The following COL11A1 variants were observed in gnomAD, a reference collection of about 807,000 sequenced individuals.
COL11A1 encodes the protein collagen alpha-1(XI) chain.
A neutral mutation model predicts 265.2 loss-of-function variants in COL11A1; 74 were observed. The ratio of observed to expected loss-of-function variants is 0.28; its 90% confidence interval spans 0.23 to 0.34. The LOEUF (loss-of-function observed/expected upper bound fraction) is 0.34. COL11A1 is among the 10% of genes least tolerant of loss of function. The pLI, the probability that COL11A1 is intolerant of heterozygous loss-of-function variation, is 1.00. For missense variants in COL11A1, 2,165 were observed against 2,263.6 expected, an observed-to-expected ratio of 0.96 and a Z score of 0.88; for synonymous variants, 816 against 727.6, an observed-to-expected ratio of 1.12 and a Z score of -1.96.
At chr1:103,017,777 T>C in intron 11 of COL11A1, 43 bp downstream of exon 11, 3 of 1,483,844 alleles carry the variant, frequency 2.0e-6, no homozygotes, top group Admixed American at 1.7e-5. Context: ...TTTAAGTCTG[T>C]ATGACATGCA....
chr1:102,905,320 A>C (rs1175706275), intron 54 of COL11A1, among the ~76,000 whole-genome samples: 1 of 151,354 alleles, frequency 6.6e-6, no homozygotes, highest in Non-Finnish European at 1.5e-5. Context: ...ACATGTATAC[A>C]TATGTAACAA....
chr1:103,059,880 G>A (rs998336211), intron 4 of COL11A1, among the ~76,000 whole-genome samples: 2 of 151,908 alleles, frequency 1.3e-5, no homozygotes, highest in Non-Finnish European at 2.9e-5. Flanking sequence ...AAAGCTTTGG[G>A]ACAACAACAA....
intron 37 of COL11A1, among the ~76,000 whole-genome samples, chr1:102,968,131 AGTT>A (rs1289831403): frequency 6.6e-6 from 1 of 152,256 alleles, no homozygotes; most frequent in African/African-American, 2.4e-5. Context: ...GTTCACAACA[AGTT>A]GTGCTTGTTC....
intron 46 of COL11A1, among the ~76,000 whole-genome samples, chr1:102,929,716 A>G (rs1657143591): frequency 6.6e-6 from 1 of 151,838 alleles, no homozygotes; most frequent in Admixed American, 6.5e-5. Flanking sequence ...GATTCTTCCT[A>G]CCCATTTGCA....
intron 4 of COL11A1, among the ~76,000 whole-genome samples, chr1:103,074,217 C>T (rs979296721): frequency 5.9e-5 from 9 of 151,984 alleles, no homozygotes; most frequent in African/African-American, 2.2e-4. Flanking sequence ...CCTTAAAAAA[C>T]ATTCACAAAG....
chr1:102,924,270 A>C (rs1656325490), intron 46 of COL11A1, among the ~76,000 whole-genome samples: 1 of 152,042 alleles, frequency 6.6e-6, no homozygotes, highest in Non-Finnish European at 1.5e-5. Flanking sequence ...ATTCAATTGC[A>C]CTGTAACTGA....
chr1:102,889,666 A>C lies in COL11A1; in HGVS notation c.4357-104T>G, dbSNP rs60484126. Reference sequence around the variant, plus strand: ...TTAAATTTCTAAAGCATAAAAATGAACAATGCTGATAAAACAACATTAAAA... The same window carrying C: ...TTAAATTTCTAAAGCATAAAAATGACCAATGCTGATAAAACAACATTAAAA... On this transcript the variant is annotated intron_variant, in intron 58 of 66. Coordinates refer to ENST00000370096, the MANE Select transcript of COL11A1 (RefSeq NM_001854.4). The C allele has an allele frequency of 5.2e-3, 4,294 of 827,980 alleles. 115 individuals carry two copies. The African/African-American group carries it at 0.064, about 12-fold the overall frequency. 51.3% of individuals were successfully genotyped at this position (827,980 alleles called of 1,614,324 possible). A position where few individuals can be genotyped will look rare whatever the true frequency, so the allele number is the denominator to read the frequency against.
Position 102,946,744 on chromosome 1 carries a change from T to A in COL11A1, c.3276+105A>T, listed in dbSNP as rs958987628. Reference sequence around the variant, plus strand: ...AGGGTATTTACATGCCAGACACATATGCAGAGAGAATACGGTGGTGTATGA... The same window carrying A: ...AGGGTATTTACATGCCAGACACATAAGCAGAGAGAATACGGTGGTGTATGA... On this transcript the variant is annotated intron_variant, in intron 42 of 66. Transcript: ENST00000370096. 9 of 888,810 alleles carry A rather than the reference T, an allele frequency of 1.0e-5. No homozygotes were observed. In the African/African-American group the frequency reaches 1.2e-4, roughly 11 times the overall value. 55.1% of individuals were successfully genotyped at this position (888,810 alleles called of 1,614,324 possible).
At chr1:102,913,190 C>T (rs1654897831) in intron 53 of COL11A1, among the ~76,000 whole-genome samples, 2 of 151,806 alleles carry the variant, frequency 1.3e-5, no homozygotes, top group South Asian at 4.2e-4. Context: ...GGTCAAAGTA[C>T]ACTCCTGTAT....
At chr1:102,888,507 G>T in intron 62 of COL11A1, 70 bp downstream of exon 62, 3 of 1,430,344 alleles carry the variant, frequency 2.1e-6, no homozygotes, top group Non-Finnish European at 3.0e-6. Flanking sequence ...TATCTTATAA[G>T]TTCAGAGAAA....
At chr1:103,046,324 G>T (rs1356069590) in intron 4 of COL11A1, among the ~76,000 whole-genome samples, 1 of 130,528 alleles carries the variant, frequency 7.7e-6, no homozygotes, top group African/African-American at 2.9e-5. Flanking sequence ...GTATCTCATT[G>T]TGGTTTTGAT....
intron 42 of COL11A1, 39 bp downstream of exon 42, chr1:102,946,810 G>C (rs781376536): frequency 6.8e-7 from 1 of 1,463,704 alleles, no homozygotes; most frequent in Non-Finnish European, 9.6e-7. Context: ...ACGTGTACAG[G>C]GTAGCAGCAT....
rs1475841795 is a variant in COL11A1, at chr1:102,914,402, G to A, written c.3928C>T (p.Pro1310Ser). Reference sequence around the variant, plus strand: ...CCAGGATCTCCAGGAAAACCAACAGGACCCTAGAATGACGTTTTGAAAGAA... The same window carrying A: ...CCAGGATCTCCAGGAAAACCAACAGAACCCTAGAATGACGTTTTGAAAGAA... Reference protein sequence around the residue: ...GDDGPKGNPGPVGFPGDPGPP... With the variant: ...GDDGPKGNPGSVGFPGDPGPP... The change falls in exon 52 of 67, where the codon CCT becomes TCT. Residue 1310 changes from proline (P) to serine (S), a missense_variant. Coordinates refer to ENST00000370096, the MANE Select transcript of COL11A1 (RefSeq NM_001854.4). The A allele has an allele frequency of 6.2e-7, 1 of 1,605,458 alleles. No individual in the cohort carries two copies. The highest frequency in any genetic ancestry group is 2.2e-5 in the East Asian group (1 of 44,714).
intron 1 of COL11A1, among the ~76,000 whole-genome samples, chr1:103,099,191 C>T (rs934183370): frequency 1.3e-5 from 2 of 151,494 alleles, no homozygotes; most frequent in Non-Finnish European, 3.0e-5. Flanking sequence ...TTTAGTGTAA[C>T]TAAAATATAC....
At chr1:103,049,004 G>A (rs1331214698) in intron 4 of COL11A1, among the ~76,000 whole-genome samples, 1 of 152,134 alleles carries the variant, frequency 6.6e-6, no homozygotes, top group African/African-American at 2.4e-5. Context: ...TTGCTGAGGA[G>A]TGCTTTACTT....
chr1:103,107,987 G>T (rs1478300214), intron 1 of COL11A1, 86 bp downstream of exon 1: 2 of 920,700 alleles, frequency 2.2e-6, no homozygotes, highest in Admixed American at 1.9e-5. Flanking sequence ...TTGAAGAGCG[G>T]GGAGGAAGGG....
At position 103,108,238 on chromosome 1, in the gene COL11A1, C is replaced by T. The variant is rs1473130448; in HGVS notation, c.-60G>A. 2.5e-5 allele frequency: 34 copies of T among 1,340,180 alleles called. No individual in the cohort carries two copies. Among genetic ancestry groups the T allele is most frequent in the Non-Finnish European group, 3.3e-5 (31 of 934,324 alleles). 83.0% of individuals were successfully genotyped at this position (1,340,180 alleles called of 1,614,324 possible). A position where few individuals can be genotyped will look rare whatever the true frequency, so the allele number is the denominator to read the frequency against. On this transcript the variant is annotated 5_prime_UTR_variant, in exon 1 of 67. Transcript: ENST00000370096. ...CCACGAAATTGCGACTGCAGACCAA[C>T]TTCGTCCTTTCCAAGGTATCGCCAG...
chr1:102,881,825 T>G, intron 64 of COL11A1, 60 bp from the exon 65 acceptor site: 4 of 1,182,482 alleles, frequency 3.4e-6, no homozygotes, highest in South Asian at 1.3e-5. Context: ...TAAACAGTAT[T>G]TTTATATACA....
chr1:103,094,537 C>A (rs1438867330), intron 1 of COL11A1, among the ~76,000 whole-genome samples: 3 of 152,036 alleles, frequency 2.0e-5, no homozygotes, highest in Non-Finnish European at 4.4e-5. Context: ...CGTCTCCTGC[C>A]TCCCCTTCCA....
Sources: allele counts gnomAD v4.1 joint callset (sites outside exome capture counted in the v4.1 genomes callset), GRCh38; gene constraint gnomAD v4.1.1; transcripts MANE v1.5; gene names NCBI Gene and HGNC (gene_info 2026-07-23, HGNC 2026-07-21).